CDC14B: variants seen among roughly 807,000 people sequenced by gnomAD.
CDC14B encodes the protein cell division cycle 14B.
CDC14B carries 22 observed loss-of-function variants against 64.2 expected under a neutral mutation model. The observed-to-expected ratio is 0.34, with a 90% CI of 0.24 to 0.49. CDC14B has a LOEUF of 0.49. Among genes scored for constraint, CDC14B ranks in the 20% least tolerant of loss-of-function variants. CDC14B has a pLI of 0.99. For synonymous variants in CDC14B, 191 were observed against 215.8 expected (o/e 0.89, Z 1.01); for missense variants, 498 against 629.9 (o/e 0.79, Z 2.24).
intron 1 of CDC14B, among the ~76,000 whole-genome samples, chr9:96,607,413 CTTTTTTTTT>C (rs999912549): frequency 4.5e-4 from 30 of 66,354 alleles, no homozygotes; most frequent in African/African-American, 1.7e-3. Flanking sequence ...AACGTGATGT[CTTTTTTTTT>C]TTTTTTTTTT....
At chr9:96,521,724 T>A (rs1464905504) in intron 12 of CDC14B, among the ~76,000 whole-genome samples, 1 of 152,168 alleles carries the variant, frequency 6.6e-6, no homozygotes, top group East Asian at 1.9e-4. Flanking sequence ...GAATAAATGA[T>A]CTATGTCCAT....
At position 96,523,679 on chromosome 9, in the gene CDC14B, C is replaced by G; in HGVS notation, c.993G>C (p.Lys331Asn). ...TGTLIACYIM[K>N]HYRMTAAETI... ...TCTCGGCTGCTGTCATCCTGTAATG[C>G]TTCATGATGTAGCAGGCTATCAGAG... Residue 331 changes from lysine (K) to asparagine (N), a missense_variant, in exon 10 of 14, where the codon AAG becomes AAC. Lys to Asn is a moderately conservative substitution (Grantham distance 94, BLOSUM62 0). Transcript: ENST00000375241. 1 of 1,614,136 alleles carries G rather than the reference C, an allele frequency of 6.2e-7. No homozygotes were observed. The highest frequency in any genetic ancestry group is 1.7e-5 in the Admixed American group (1 of 60,022).
chr9:96,542,973 A>C (rs1467102448), intron 5 of CDC14B, among the ~76,000 whole-genome samples: 2 of 152,024 alleles, frequency 1.3e-5, no homozygotes, highest in Non-Finnish European at 2.9e-5. Context: ...ATGCCACTGC[A>C]CTCCAGCCTG....
At chr9:96,597,716 C>A (rs1463882622) in intron 1 of CDC14B, among the ~76,000 whole-genome samples, 1 of 152,020 alleles carries the variant, frequency 6.6e-6, no homozygotes, top group Non-Finnish European at 1.5e-5. Flanking sequence ...AAGGAAAATG[C>A]CAGTTGGAAA....
chr9:96,565,516 G>A (rs770239443), intron 1 of CDC14B, 33 bp from the exon 2 acceptor site: 1 of 1,418,980 alleles, frequency 7.0e-7, no homozygotes, highest in South Asian at 1.2e-5. Context: ...TTCCTTCCTG[G>A]AGGTTACAAA....
rs772590491 is a variant in CDC14B at position 96,539,035 on chromosome 9, G to A, written c.627+43C>T. 3.2e-6 allele frequency: 4 copies of A among 1,251,570 alleles called. No individual in the cohort carries two copies. The Admixed American group carries it at 6.9e-5, about 22-fold the overall frequency. 77.5% of individuals were successfully genotyped at this position (1,251,570 alleles called of 1,614,324 possible). A position where few individuals can be genotyped will look rare whatever the true frequency, so the allele number is the denominator to read the frequency against. On this transcript the variant is annotated intron_variant, in intron 7 of 13. Coordinates refer to ENST00000375241, the MANE Select transcript of CDC14B (RefSeq NM_033331.4). ...CAATTATTCCCCTCAATAAAGCTGG[G>A]CGGGGGGAGGAAGAGTTGAAAACAT...
At chr9:96,550,700 A>G (rs1188596013) in intron 5 of CDC14B, among the ~76,000 whole-genome samples, 1 of 152,236 alleles carries the variant, frequency 6.6e-6, no homozygotes, top group Non-Finnish European at 1.5e-5. Flanking sequence ...TTTATTACCC[A>G]TTAAGTACCA....
intron 9 of CDC14B, among the ~76,000 whole-genome samples, chr9:96,524,177 T>C (rs1837215666): frequency 6.6e-6 from 1 of 152,212 alleles, no homozygotes; most frequent in Non-Finnish European, 1.5e-5. Context: ...TCACCTCAGG[T>C]GATCCGCCTG....
At chr9:96,499,520 T>A (rs1833390374), downstream of CDC14B, among the ~76,000 whole-genome samples, 1 of 152,216 alleles carries the variant, frequency 6.6e-6, no homozygotes, top group African/African-American at 2.4e-5. Flanking sequence ...CCTGACTGAC[T>A]TAAGTCTTAT....
At chr9:96,528,537 AAAGAAGAAG>A (rs150995580) in intron 9 of CDC14B, among the ~76,000 whole-genome samples, 2 of 152,136 alleles carry the variant, frequency 1.3e-5, no homozygotes, top group African/African-American at 4.8e-5. Context: ...AAAGAAAAAA[AAAGAAGAAG>A]AAGAAGAATG....
intron 1 of CDC14B, among the ~76,000 whole-genome samples, chr9:96,612,522 T>C (rs1847386445): frequency 6.6e-6 from 1 of 152,056 alleles, no homozygotes; most frequent in Admixed American, 6.6e-5. Context: ...ACTAATAATC[T>C]GTCTGTGCTC....
chr9:96,524,588 AATGAATCTTTGGAG>A (rs1051220396), intron 9 of CDC14B, among the ~76,000 whole-genome samples: 88 of 152,226 alleles, frequency 5.8e-4, no homozygotes, highest in African/African-American at 1.9e-3. Flanking sequence ...GTCAATCCGG[AATGAATCTTTGGAG>A]ATTAACATTT....
chr9:96,535,248 A>G (rs10119701), intron 7 of CDC14B, among the ~76,000 whole-genome samples: 23,245 of 152,122 alleles, frequency 0.15, 5,918 homozygotes, highest in African/African-American at 0.53. Context: ...CGGAAGTTGT[A>G]GTGAGCCGAG....
chr9:96,609,244 C>A (rs1418808920), intron 1 of CDC14B, among the ~76,000 whole-genome samples: 1 of 152,264 alleles, frequency 6.6e-6, no homozygotes, highest in Middle Eastern at 3.4e-3. Flanking sequence ...GGATTACAGA[C>A]GTGAGCCACT....
intron 1 of CDC14B, among the ~76,000 whole-genome samples, chr9:96,599,844 G>A (rs953690228): frequency 6.6e-6 from 1 of 151,898 alleles, no homozygotes; most frequent in African/African-American, 2.4e-5. Flanking sequence ...CGATTCTCCT[G>A]CCTCACCCTC....
rs1023594030 is a variant in CDC14B at position 96,562,554 on chromosome 9, G to C, written c.420+139C>G. The stretch of plus-strand genomic sequence containing the variant: ...CACATAAGCACAGCTTCCTTGAATT[G>C]GTCAATTTTTTAAAAGCAAAACACG... On this transcript the variant is annotated intron_variant, in intron 4 of 13. Transcript: ENST00000375241. 6 of 665,332 alleles carry C rather than the reference G, an allele frequency of 9.0e-6. No individual in the cohort carries two copies. In the African/African-American group the frequency reaches 1.1e-4, roughly 12 times the overall value. The allele number at this position is 665,332 out of a possible 1,614,324, so 41.2% of individuals were successfully genotyped here.
intron 4 of CDC14B, among the ~76,000 whole-genome samples, chr9:96,555,144 C>A (rs1842333895): frequency 6.6e-6 from 1 of 152,216 alleles, no homozygotes; most frequent in South Asian, 2.1e-4. Context: ...GCTGGCATTT[C>A]CACCCTTGTG....
intron 1 of CDC14B, among the ~76,000 whole-genome samples, chr9:96,596,046 T>C (rs1846049019): frequency 6.6e-6 from 1 of 151,966 alleles, no homozygotes; most frequent in East Asian, 1.9e-4. Flanking sequence ...ATATGTGAAT[T>C]AGAGCTGTTA....
At chr9:96,510,025 A>G (rs535270959) in intron 12 of CDC14B, among the ~76,000 whole-genome samples, 1 of 152,354 alleles carries the variant, frequency 6.6e-6, no homozygotes, top group East Asian at 1.9e-4. Context: ...TTGCTCCTGG[A>G]AGGCGAATGA....
Sources: allele counts gnomAD v4.1 joint callset (sites outside exome capture counted in the v4.1 genomes callset), GRCh38; gene constraint gnomAD v4.1.1; transcripts MANE v1.5; gene names NCBI Gene and HGNC (gene_info 2026-07-23, HGNC 2026-07-21).